ACVR1B: variants seen among roughly 807,000 people sequenced by gnomAD.
The protein encoded by ACVR1B is activin receptor type-1B.
In ACVR1B, 15 loss-of-function variants were observed where a neutral mutation model predicts 55.6. The observed-to-expected ratio is 0.27, with a 90% CI of 0.18 to 0.42. ACVR1B has a LOEUF of 0.42. Ranked by LOEUF, ACVR1B falls within the 10% of genes least tolerant of loss-of-function variation. ACVR1B has a pLI of 1.00. For missense variants in ACVR1B, 359 were observed against 670.1 expected (o/e 0.54, Z 5.13); for synonymous variants, 247 against 254.6 (o/e 0.97, Z 0.28).
In ACVR1B at chr12:51,983,952, T is replaced by G. The variant is rs771050430; in HGVS notation, c.812-47T>G. 16 of 1,605,182 alleles carry G rather than the reference T, an allele frequency of 1.0e-5. No homozygotes were observed. In the African/African-American group the frequency reaches 2.1e-4, roughly 21 times the overall value. On this transcript the variant is annotated intron_variant, in intron 4 of 8. Transcript: ENST00000257963. ...TCATCCTTACCAACCTTCACTGTTTTGCTGATAGTTACACTTTTTCTGGGA... is the reference window on the plus strand; with the variant it reads ...TCATCCTTACCAACCTTCACTGTTTGGCTGATAGTTACACTTTTTCTGGGA...
At chr12:51,987,158 T>C (rs887290840) in intron 7 of ACVR1B, 9 of 726,604 alleles carry the variant, frequency 1.2e-5, no homozygotes, top group Non-Finnish European at 2.0e-5. Flanking sequence ...TTGTGTGTTA[T>C]GGTAACCATT....
rs575567583 is a variant in ACVR1B at position 51,994,367 on chromosome 12, G to T, written c.*257G>T. ...TGTGGAGAACTCAGTGCCACACCTC[G>T]AACTGGTTGTAGTGGGAAGTCCCGC... On this transcript the variant is annotated 3_prime_UTR_variant, in exon 9 of 9. Transcript: ENST00000257963. This position sits in a 1 kb window ranked among gnomAD's most constrained non-coding sequence, Gnocchi z 4.2. 7 of 429,822 alleles carry T rather than the reference G, an allele frequency of 1.6e-5. No individual in the cohort carries two copies. Among genetic ancestry groups the T allele is most frequent in the Admixed American group, 4.2e-5 (1 of 24,050 alleles). The allele number at this position is 429,822 out of a possible 1,614,324, so 26.6% of individuals were successfully genotyped here.
chr12:51,955,867 T>G (rs1186622996), intron 1 of ACVR1B, among the ~76,000 whole-genome samples: 1 of 152,222 alleles, frequency 6.6e-6, no homozygotes, highest in Non-Finnish European at 1.5e-5. Flanking sequence ...ACCTTTTAAG[T>G]CCAACTTACA....
At chr12:51,985,410 GT>G in intron 6 of ACVR1B, 62 bp downstream of exon 6, 1 of 1,525,798 alleles carries the variant, frequency 6.6e-7, no homozygotes, top group Non-Finnish European at 8.8e-7. Context: ...CATCTGTGCC[GT>G]TTCCCATATG....
At chr12:51,986,265 T>C (rs1942073982) in intron 6 of ACVR1B, among the ~76,000 whole-genome samples, 1 of 152,210 alleles carries the variant, frequency 6.6e-6, no homozygotes, top group Non-Finnish European at 1.5e-5. Flanking sequence ...TTACTCTCTC[T>C]TTGTTTTTTT....
intron 1 of ACVR1B, among the ~76,000 whole-genome samples, chr12:51,959,851 A>G (rs1941483879): frequency 6.6e-6 from 1 of 151,426 alleles, no homozygotes; most frequent in Non-Finnish European, 1.5e-5. Context: ...TGCTTTGGAA[A>G]TAAGTTTTTT....
At chr12:51,982,620 A>G (rs1381525690) in intron 4 of ACVR1B, 9 of 1,438,210 alleles carry the variant, frequency 6.3e-6, no homozygotes, top group Non-Finnish European at 8.2e-6. Flanking sequence ...GCATGGTGCA[A>G]TTTAGAAGTT....
At chr12:51,966,316 A>C (rs1381247988) in intron 1 of ACVR1B, among the ~76,000 whole-genome samples, 1 of 152,244 alleles carries the variant, frequency 6.6e-6, no homozygotes, top group Non-Finnish European at 1.5e-5. Context: ...GCTGCAGGAC[A>C]AATGGCCTAG....
chr12:51,971,399 T>C (rs1182840944), intron 1 of ACVR1B, among the ~76,000 whole-genome samples: 2 of 152,252 alleles, frequency 1.3e-5, no homozygotes, highest in African/African-American at 4.8e-5. Context: ...AACTTGTTTA[T>C]GTGTAGAGTG....
rs116052173 is a variant in ACVR1B, at chr12:51,966,739, G to A, written c.92-8526G>A. 5.4e-3 allele frequency among the ~76,000 whole-genome samples: 825 copies of A among 152,234 alleles called. 7 individuals are homozygous for A. The highest frequency in any genetic ancestry group is 0.018 in the African/African-American group (766 of 41,550). ...GCTGGGATTACAGGTGTGAGCCACC[G>A]TGCCCTTCTTGGATCTGGGTTTGAG... is the stretch of plus-strand genomic sequence containing the variant. On this transcript the variant is annotated intron_variant, in intron 1 of 8. Transcript: ENST00000257963.
At chr12:51,965,502 G>A (rs755128666) in intron 1 of ACVR1B, among the ~76,000 whole-genome samples, 9 of 152,178 alleles carry the variant, frequency 5.9e-5, no homozygotes, top group Non-Finnish European at 1.3e-4. Flanking sequence ...TTGATTCAAT[G>A]TCAGCAGCTG....
In ACVR1B at chr12:51,994,348, G is replaced by T. The variant is rs980435075; in HGVS notation, c.*238G>T. The T allele has an allele frequency of 3.3e-5, 16 of 487,104 alleles. No homozygotes were observed. The highest frequency in any genetic ancestry group is 3.1e-4 in the African/African-American group (15 of 48,998). The allele number at this position is 487,104 out of a possible 1,614,324, so 30.2% of individuals were successfully genotyped here. A position where few individuals can be genotyped will look rare whatever the true frequency, so the allele number is the denominator to read the frequency against. On this transcript the variant is annotated 3_prime_UTR_variant, in exon 9 of 9. Coordinates refer to ENST00000257963, the MANE Select transcript of ACVR1B (RefSeq NM_004302.5). The surrounding 1 kb of genome is among the most constrained non-coding windows in gnomAD (Gnocchi z 4.2). ...AGACTCTGAGAGCGAATTGTGTGGA[G>T]AACTCAGTGCCACACCTCGAACTGG... is the stretch of plus-strand genomic sequence containing the variant.
At chr12:51,988,581 C>T (rs1942125218) in intron 7 of ACVR1B, among the ~76,000 whole-genome samples, 2 of 152,188 alleles carry the variant, frequency 1.3e-5, no homozygotes, top group South Asian at 4.1e-4. Flanking sequence ...ATAATGCTAA[C>T]ATTTATTCAC....
chr12:51,988,804 C>T (rs1346788570), intron 7 of ACVR1B, among the ~76,000 whole-genome samples: 1 of 152,196 alleles, frequency 6.6e-6, no homozygotes, highest in Non-Finnish European at 1.5e-5. Flanking sequence ...TAGATAATTA[C>T]CAAGTCCAAT....
chr12:51,963,348 G>A (rs370929120), intron 1 of ACVR1B, among the ~76,000 whole-genome samples: 20 of 152,158 alleles, frequency 1.3e-4, no homozygotes, highest in Non-Finnish European at 2.5e-4. Context: ...AGGTTCAAGC[G>A]ATTCTCCTGT....
chr12:51,964,728 C>A (rs1177950439), intron 1 of ACVR1B, among the ~76,000 whole-genome samples: 1 of 152,128 alleles, frequency 6.6e-6, no homozygotes, highest in African/African-American at 2.4e-5. Flanking sequence ...CTTTTCCTCC[C>A]CCCTGTATGT....
intron 1 of ACVR1B, among the ~76,000 whole-genome samples, chr12:51,956,740 A>G (rs796184415): frequency 1.3e-5 from 2 of 151,682 alleles, no homozygotes; most frequent in African/African-American, 4.8e-5. Context: ...CTGTCAATAC[A>G]TAACCTTATT....
At chr12:51,987,113 C>T (rs1488943302) in intron 7 of ACVR1B, 171 bp downstream of exon 7, 6 of 868,984 alleles carry the variant, frequency 6.9e-6, no homozygotes, top group Non-Finnish European at 9.7e-6. Context: ...GCTTAGGGTG[C>T]GTTTATTCTT....
At chr12:51,975,831 G>T (rs185940841) in intron 2 of ACVR1B, among the ~76,000 whole-genome samples, 114 of 152,336 alleles carry the variant, frequency 7.5e-4, no homozygotes, top group African/African-American at 2.7e-3. Flanking sequence ...TGGCCCCAGA[G>T]CCGAGCAAAG....
Sources: gnomAD v4.1 joint callset for allele counts (sites outside exome capture counted in the v4.1 genomes callset) on GRCh38, gnomAD v4.1.1 for gene constraint, Gnocchi (gnomAD v3.1) non-coding constraint, MANE v1.5 for transcripts, NCBI Gene and HGNC (gene_info 2026-07-23, HGNC 2026-07-21) for gene names.